REV3L: variants seen among roughly 807,000 people sequenced by gnomAD.
REV3L encodes the protein DNA polymerase zeta catalytic subunit.
Under a neutral mutation model 299.4 loss-of-function variants are expected in REV3L, and 69 were observed. The ratio of observed to expected loss-of-function variants is 0.23; its 90% CI spans 0.19 to 0.28. REV3L has a LOEUF of 0.28. Ranked by LOEUF, REV3L falls within the 10% of genes least tolerant of loss-of-function variation. REV3L has a pLI of 1.00. For missense variants in REV3L, 3,128 were observed against 3,693.8 expected (o/e 0.85, Z 3.97); for synonymous variants, 1,238 against 1,271.4 (o/e 0.97, Z 0.56).
At chr6:111,448,249 T>A (rs1789089032) in intron 1 of REV3L, among the ~76,000 whole-genome samples, 1 of 152,194 alleles carries the variant, frequency 6.6e-6, no homozygotes, top group Non-Finnish European at 1.5e-5. Flanking sequence ...GGAAGAGAAG[T>A]AAGACTTGTT....
intron 1 of REV3L, among the ~76,000 whole-genome samples, chr6:111,465,764 A>AAAC (rs1554250490): frequency 3.3e-5 from 5 of 151,374 alleles, no homozygotes; most frequent in South Asian, 2.1e-4. Flanking sequence ...AAAAAAAAAA[A>AAAC]AACTTTGTTT....
In REV3L at chr6:111,299,590, T is replaced by C. The variant is rs1284974812; in HGVS notation, c.*426A>G. 1.3e-5 allele frequency: 2 copies of C among 152,968 alleles called. No homozygotes were observed. Among genetic ancestry groups the C allele is most frequent in the Admixed American group, 1.3e-4 (2 of 15,292 alleles). 9.5% of individuals were successfully genotyped at this position (152,968 alleles called of 1,614,324 possible). On this transcript the variant is annotated 3_prime_UTR_variant, in exon 32 of 32. Transcript: ENST00000368802. ...AAAGTAAAAAAGTGTATTTACAAAA[T>C]ATTTTGCAGTCAAAATTATAAAGTG... is the stretch of plus-strand genomic sequence containing the variant.
chr6:111,390,698 T>A (rs1209007169), intron 5 of REV3L, among the ~76,000 whole-genome samples: 1 of 152,228 alleles, frequency 6.6e-6, no homozygotes, highest in Admixed American at 6.5e-5. Flanking sequence ...TTTAAAATTC[T>A]TCATAACTAC....
chr6:111,477,079 C>A (rs1793036649), intron 1 of REV3L, among the ~76,000 whole-genome samples: 1 of 152,154 alleles, frequency 6.6e-6, no homozygotes, highest in South Asian at 2.1e-4. Context: ...AATTTTTTCA[C>A]ATAATATGAC....
intron 25 of REV3L, among the ~76,000 whole-genome samples, chr6:111,327,607 AT>A (rs967976911): frequency 2.2e-4 from 33 of 147,850 alleles, no homozygotes; most frequent in African/African-American, 6.7e-4. Context: ...TATCATTTCC[AT>A]TTTTTTTTTC....
Position 111,299,835 on chromosome 6 carries a change from A to AAG in REV3L, c.*179_*180dup, listed in dbSNP as rs1380534699. 2.1e-6 allele frequency: 1 copy of AAG among 484,008 alleles called. No homozygotes were observed. Among genetic ancestry groups the AAG allele is most frequent in the African/African-American group, 2.0e-5 (1 of 49,718 alleles). 30.0% of individuals were successfully genotyped at this position (484,008 alleles called of 1,614,324 possible). ...GAATGAGGAATTTGTACATTGTAAG[A>AAG]AGTGAGCTATTCAGAGATCAACAAG... On this transcript the variant is annotated 3_prime_UTR_variant, in exon 32 of 32. Transcript: ENST00000368802.
chr6:111,322,943 G>A (rs1774348745), intron 25 of REV3L, among the ~76,000 whole-genome samples: 1 of 151,892 alleles, frequency 6.6e-6, no homozygotes, highest in South Asian at 2.1e-4. Flanking sequence ...TTGTTACAAG[G>A]TACTCAGCTA....
intron 1 of REV3L, chr6:111,431,774 G>A: frequency 1.3e-6 from 1 of 750,892 alleles, no homozygotes. Flanking sequence ...TGTGGACCTG[G>A]TGGAAGTTGA....
intron 1 of REV3L, among the ~76,000 whole-genome samples, chr6:111,448,633 T>C (rs1262035878): frequency 5.3e-5 from 8 of 149,566 alleles, no homozygotes; most frequent in Non-Finnish European, 1.2e-4. Context: ...CCATTTTCTT[T>C]TCTTTCCAAG....
intron 10 of REV3L, 72 bp from the exon 11 acceptor site, chr6:111,380,291 T>TC: frequency 8.9e-7 from 1 of 1,120,086 alleles, no homozygotes. Flanking sequence ...TCTTGCTCTC[T>TC]CACCCAGGCT....
intron 1 of REV3L, among the ~76,000 whole-genome samples, chr6:111,421,531 G>A (rs1785352856): frequency 6.6e-6 from 1 of 152,104 alleles, no homozygotes; most frequent in East Asian, 1.9e-4. Context: ...CAACATGAGG[G>A]ATTTGGCCCA....
At chr6:111,366,855 A>G (rs1323204130) in intron 14 of REV3L, among the ~76,000 whole-genome samples, 1 of 152,182 alleles carries the variant, frequency 6.6e-6, no homozygotes, top group African/African-American at 2.4e-5. Context: ...TATAAAAGCC[A>G]ACAGGAAAGT....
chr6:111,351,357 G>A (rs1161937597), intron 19 of REV3L, among the ~76,000 whole-genome samples: 1 of 151,808 alleles, frequency 6.6e-6, no homozygotes, highest in Non-Finnish European at 1.5e-5. Flanking sequence ...AATATGTGTG[G>A]TAAGACACTA....
chr6:111,431,237 A>G, intron 1 of REV3L: 1 of 1,545,846 alleles, frequency 6.5e-7, no homozygotes, highest in Non-Finnish European at 8.9e-7. Flanking sequence ...AAAGGAGGGC[A>G]TTCCAGGACC....
intron 11 of REV3L, among the ~76,000 whole-genome samples, chr6:111,378,577 A>G (rs1780532326): frequency 6.6e-6 from 1 of 152,290 alleles, no homozygotes; most frequent in South Asian, 2.1e-4. Context: ...CTCATTTTTA[A>G]CGAACCTGAC....
At chr6:111,455,218 T>C (rs1790031618) in intron 1 of REV3L, among the ~76,000 whole-genome samples, 1 of 151,888 alleles carries the variant, frequency 6.6e-6, no homozygotes, top group Admixed American at 6.6e-5. Context: ...CAGGACAGTC[T>C]TGAAGTGTGA....
At chr6:111,406,362 T>G (rs1582870221) in intron 3 of REV3L, among the ~76,000 whole-genome samples, 1 of 151,990 alleles carries the variant, frequency 6.6e-6, no homozygotes. Context: ...GATAGAGAAG[T>G]AATGAGAAGT....
chr6:111,305,432 A>T (rs1582425887), intron 31 of REV3L, among the ~76,000 whole-genome samples: 2 of 151,978 alleles, frequency 1.3e-5, no homozygotes, highest in African/African-American at 2.4e-5. Flanking sequence ...GTCTAAAAAA[A>T]AATAATTAGT....
chr6:111,364,456 T>C (rs1414553018), intron 15 of REV3L, among the ~76,000 whole-genome samples: 2 of 148,892 alleles, frequency 1.3e-5, no homozygotes, highest in Non-Finnish European at 3.0e-5. Flanking sequence ...CAGAAAAAAA[T>C]GGAATCTTTC....
Sources: gnomAD v4.1 joint callset for allele counts (sites outside exome capture counted in the v4.1 genomes callset) on GRCh38, gnomAD v4.1.1 for gene constraint, MANE v1.5 for transcripts, NCBI Gene and HGNC (gene_info 2026-07-23, HGNC 2026-07-21) for gene names.